Variants in PTPRD observed in about 807,000 individuals in gnomAD.
PTPRD encodes receptor-type tyrosine-protein phosphatase delta.
In PTPRD, 34 loss-of-function variants were observed where a neutral mutation model predicts 214.5. That is an observed-to-expected ratio of 0.16 (90% CI 0.12 to 0.21). The LOEUF (loss-of-function observed/expected upper bound fraction) is 0.21, where lower values mean the gene tolerates loss of function less well. Among genes scored for constraint, PTPRD ranks in the 10% least tolerant of loss-of-function variants. The pLI is 1.00. For missense variants in PTPRD, 2,545 were observed against 2,398.7 expected, an observed-to-expected ratio of 1.06 and a Z score of -1.27; for synonymous variants, 1,128 against 845.7, an observed-to-expected ratio of 1.33 and a Z score of -5.79.
intron 11 of PTPRD, among the ~76,000 whole-genome samples, chr9:8,742,011 C>A (rs1204366606): frequency 1.3e-5 from 2 of 152,088 alleles, no homozygotes; most frequent in Non-Finnish European, 2.9e-5. Context: ...AGGAGTATCA[C>A]CATAAGCCTA....
intron 14 of PTPRD, among the ~76,000 whole-genome samples, chr9:8,611,288 A>G (rs1306551821): frequency 6.6e-6 from 1 of 152,212 alleles, no homozygotes; most frequent in Non-Finnish European, 1.5e-5. Flanking sequence ...TTTAACTATC[A>G]CAAATATTGG....
intron 8 of PTPRD, among the ~76,000 whole-genome samples, chr9:9,400,644 C>T (rs139490818): frequency 7.9e-5 from 12 of 152,056 alleles, no homozygotes; most frequent in Admixed American, 7.9e-4. Context: ...GAAATCCTTC[C>T]AGTTAAAACA....
chr9:9,900,641 G>GTGTTTTTTTTTTTTTTTT (rs1555302232), intron 5 of PTPRD, among the ~76,000 whole-genome samples: 4 of 120,086 alleles, frequency 3.3e-5, no homozygotes, highest in African/African-American at 1.2e-4. Context: ...ACATTTTCAG[G>GTGTTTTTTTTTTTTTTTT]TTTTTTTTTT....
At chr9:9,243,251 A>G (rs1050704571) in intron 9 of PTPRD, among the ~76,000 whole-genome samples, 10 of 152,130 alleles carry the variant, frequency 6.6e-5, no homozygotes, top group Non-Finnish European at 1.5e-4. Flanking sequence ...AAACTATTAC[A>G]ATCAATAGAA....
chr9:8,467,350 G>T (rs920017333), intron 31 of PTPRD, among the ~76,000 whole-genome samples: 21 of 151,670 alleles, frequency 1.4e-4, no homozygotes, highest in Non-Finnish European at 2.8e-4. Context: ...GTCAAATTTA[G>T]CTTTACTTAT....
At chr9:10,544,383 A>G (rs2059770086) in intron 2 of PTPRD, among the ~76,000 whole-genome samples, 1 of 152,202 alleles carries the variant, frequency 6.6e-6, no homozygotes, top group Admixed American at 6.5e-5. Context: ...GCTTATCGGC[A>G]TACTACTATA....
intron 10 of PTPRD, among the ~76,000 whole-genome samples, chr9:9,169,271 C>T (rs529338764): frequency 1.3e-5 from 2 of 152,180 alleles, no homozygotes; most frequent in Admixed American, 6.5e-5. Flanking sequence ...AAAGGTCATA[C>T]TACAAAAATG....
chr9:8,441,055 A>G (rs35365971), intron 34 of PTPRD, among the ~76,000 whole-genome samples: 49,068 of 152,020 alleles, frequency 0.32, 9,307 homozygotes, highest in Middle Eastern at 0.41. Context: ...CACAGATGGA[A>G]TGGGCTAGGC....
chr9:9,095,503 T>C (rs1411445366), intron 10 of PTPRD, among the ~76,000 whole-genome samples: 7 of 152,182 alleles, frequency 4.6e-5, no homozygotes, highest in Non-Finnish European at 8.8e-5. Context: ...TAAAAATATA[T>C]ATCTGTTGAC....
At chr9:9,975,461 T>C (rs1274751832) in intron 4 of PTPRD, among the ~76,000 whole-genome samples, 2 of 152,202 alleles carry the variant, frequency 1.3e-5, no homozygotes, top group African/African-American at 4.8e-5. Flanking sequence ...GTTTCCAGGA[T>C]TGAGAACTGT....
intron 21 of PTPRD, among the ~76,000 whole-genome samples, chr9:8,509,819 T>C (rs2097638927): frequency 6.6e-6 from 1 of 152,164 alleles, no homozygotes; most frequent in Non-Finnish European, 1.5e-5. Flanking sequence ...AGTAGGCACA[T>C]CCAAGTCTCA....
chr9:10,055,733 C>T (rs1377426636), intron 3 of PTPRD, among the ~76,000 whole-genome samples: 4 of 151,930 alleles, frequency 2.6e-5, no homozygotes, highest in Admixed American at 6.6e-5. Flanking sequence ...AAGAGGGCTG[C>T]ACCCAGAAGA....
chr9:9,942,892 GTTGTTTT>G (rs2091849317), intron 4 of PTPRD, among the ~76,000 whole-genome samples: 2 of 114,120 alleles, frequency 1.8e-5, no homozygotes, highest in African/African-American at 9.2e-5. Context: ...ATTGCTCTGA[GTTGTTTT>G]TTTTTTTTTT....
At chr9:9,489,056 C>G (rs1162172919) in intron 8 of PTPRD, among the ~76,000 whole-genome samples, 2 of 152,214 alleles carry the variant, frequency 1.3e-5, no homozygotes, top group East Asian at 1.9e-4. Flanking sequence ...ACATAAAGGG[C>G]CAGCACTCTT....
chr9:9,350,443 G>A (rs564867810), intron 9 of PTPRD, among the ~76,000 whole-genome samples: 3 of 152,008 alleles, frequency 2.0e-5, no homozygotes, highest in Admixed American at 6.6e-5. Flanking sequence ...TCCTCTGTAA[G>A]AGTCTCTAAA....
In PTPRD at chr9:9,959,963, A is replaced by T. The variant is rs553568097; in HGVS notation, c.-471-21353T>A. Among the ~76,000 whole-genome samples the T allele has an allele frequency of 1.6e-4, 24 of 152,284 alleles. 1 individual carries two copies. The South Asian group carries it at 5.0e-3, about 32-fold the overall frequency. Reference sequence around the variant, plus strand: ...ACATGGGTTATGATTAAGCACATATATTTTTTGCTCTGTCTGCCTAGAGGG... The same window carrying T: ...ACATGGGTTATGATTAAGCACATATTTTTTTTGCTCTGTCTGCCTAGAGGG... On this transcript the variant is annotated intron_variant, in intron 4 of 45. Transcript: ENST00000381196.
chr9:9,982,322 A>C (rs1230657356), intron 4 of PTPRD, among the ~76,000 whole-genome samples: 1 of 152,144 alleles, frequency 6.6e-6, no homozygotes, highest in African/African-American at 2.4e-5. Context: ...ATTGCAACAC[A>C]TTGTCTTTAA....
intron 39 of PTPRD, among the ~76,000 whole-genome samples, chr9:8,362,821 G>T (rs2078845867): frequency 6.6e-6 from 1 of 152,150 alleles, no homozygotes; most frequent in South Asian, 2.1e-4. Context: ...ACTTGCACAA[G>T]ATCATACAGT....
intron 12 of PTPRD, among the ~76,000 whole-genome samples, chr9:8,679,501 T>C (rs1237475070): frequency 1.3e-5 from 2 of 152,194 alleles, no homozygotes; most frequent in East Asian, 1.9e-4. Context: ...GAAACTACAA[T>C]TTTACACAGG....
Sources: allele counts gnomAD v4.1 joint callset (sites outside exome capture counted in the v4.1 genomes callset), GRCh38; gene constraint gnomAD v4.1.1; transcripts MANE v1.5; gene names NCBI Gene and HGNC (gene_info 2026-07-23, HGNC 2026-07-21).